The following SLIT1 variants were observed in gnomAD, a reference collection of about 807,000 sequenced individuals.
SLIT1 encodes the protein slit homolog 1 protein.
Under a neutral mutation model 186.1 loss-of-function variants are expected in SLIT1, and 66 were observed. The ratio of observed to expected loss-of-function variants is 0.35; its 90% CI spans 0.29 to 0.44. The LOEUF (loss-of-function observed/expected upper bound fraction) is 0.44. Among genes scored for constraint, SLIT1 ranks in the 20% least tolerant of loss-of-function variants. SLIT1 has a pLI of 1.00. For missense variants in SLIT1, 1,638 were observed against 2,037.4 expected (o/e 0.80, Z 3.77); for synonymous variants, 761 against 833.8 (o/e 0.91, Z 1.50).
chr10:97,033,333 G>A (rs1416223577), intron 23 of SLIT1, among the ~76,000 whole-genome samples: 1 of 152,130 alleles, frequency 6.6e-6, no homozygotes, highest in East Asian at 1.9e-4. Flanking sequence ...GTGAGGTGTT[G>A]GAAGGTGAAT....
chr10:97,134,540 A>C (rs923033297), intron 4 of SLIT1, among the ~76,000 whole-genome samples: 1 of 151,914 alleles, frequency 6.6e-6, no homozygotes, highest in African/African-American at 2.4e-5. Flanking sequence ...CCACCTGCCC[A>C]CCCTAAGCCC....
Position 97,185,774 on chromosome 10 carries a change from G to A in SLIT1, c.-100C>T. The A allele has an allele frequency of 1.8e-6, 2 of 1,094,138 alleles. No homozygotes were observed. The highest frequency in any genetic ancestry group is 2.4e-6 in the Non-Finnish European group (2 of 818,804). 67.8% of individuals were successfully genotyped at this position (1,094,138 alleles called of 1,614,324 possible). ...GGTGCAGTCCCGGGGCAGAGCCACC[G>A]AAGAGCCCGCGGGCTTGCGCGCGGC... On this transcript the variant is annotated 5_prime_UTR_variant, in exon 1 of 37. Coordinates refer to ENST00000266058, the MANE Select transcript of SLIT1 (RefSeq NM_003061.3).
chr10:97,118,526 A>G lies in SLIT1; in HGVS notation c.413+39292T>C, dbSNP rs1849528302. Among the ~76,000 whole-genome samples the G allele has an allele frequency of 2.6e-5, 4 of 152,088 alleles. No individual in the cohort carries two copies. The South Asian group carries it at 8.3e-4, about 32-fold the overall frequency. ...GTGCCACCCATCAAAGCGCTCCTCT[A>G]TCTCCAAAATGGCCGTCGCAGGTTC... On this transcript the variant is annotated intron_variant, in intron 4 of 36. Transcript: ENST00000266058.
chr10:97,046,513 A>G (rs1848734829), intron 18 of SLIT1, 141 bp downstream of exon 18: 1 of 811,722 alleles, frequency 1.2e-6, no homozygotes, highest in South Asian at 1.8e-5. Context: ...CTGTCCCAAC[A>G]CAGTCAGGAT....
chr10:97,132,386 C>G (rs1174739771), intron 4 of SLIT1, among the ~76,000 whole-genome samples: 2 of 152,218 alleles, frequency 1.3e-5, no homozygotes, highest in Admixed American at 6.5e-5. Flanking sequence ...CCCACGGTGA[C>G]CCTTCCCAGC....
chr10:97,086,308 G>A (rs1300640265), intron 4 of SLIT1, among the ~76,000 whole-genome samples: 4 of 152,146 alleles, frequency 2.6e-5, no homozygotes, highest in African/African-American at 7.2e-5. Context: ...GGTGGCTCAC[G>A]CCTGTAATCC....
At chr10:97,015,772 A>G (rs1404990388) in intron 28 of SLIT1, among the ~76,000 whole-genome samples, 2 of 152,364 alleles carry the variant, frequency 1.3e-5, no homozygotes, top group South Asian at 4.1e-4. Flanking sequence ...GAAACTTTAA[A>G]TCAGAGGCTT....
intron 4 of SLIT1, among the ~76,000 whole-genome samples, chr10:97,117,177 A>C (rs964052108): frequency 6.6e-6 from 1 of 152,212 alleles, no homozygotes; most frequent in South Asian, 2.1e-4. Context: ...AACACTTGAC[A>C]TGAAGAGAAG....
At chr10:97,067,082 C>A (rs952606756) in intron 4 of SLIT1, among the ~76,000 whole-genome samples, 2 of 152,224 alleles carry the variant, frequency 1.3e-5, no homozygotes, top group Admixed American at 6.5e-5. Context: ...CCAGGCAGGG[C>A]CTGACTCCAA....
At chr10:97,109,974 G>C (rs942735567) in intron 4 of SLIT1, among the ~76,000 whole-genome samples, 1 of 152,140 alleles carries the variant, frequency 6.6e-6, no homozygotes, top group African/African-American at 2.4e-5. Context: ...GCAGTAGTTA[G>C]GACAGACCCT....
At chr10:97,039,501 C>G (rs150613631) in intron 21 of SLIT1, among the ~76,000 whole-genome samples, 1 of 152,274 alleles carries the variant, frequency 6.6e-6, no homozygotes, top group South Asian at 2.1e-4. Context: ...AAAAACGCAC[C>G]GCTCTCTGAC....
intron 29 of SLIT1, 52 bp from the exon 30 acceptor site, chr10:97,013,886 G>T: frequency 6.5e-7 from 1 of 1,537,942 alleles, no homozygotes; most frequent in Non-Finnish European, 8.8e-7. Flanking sequence ...CCTGTGCTCT[G>T]CCGGGCAGCC....
intron 13 of SLIT1, among the ~76,000 whole-genome samples, chr10:97,051,284 AC>A: frequency 6.6e-6 from 1 of 152,056 alleles, no homozygotes; most frequent in South Asian, 2.1e-4. Flanking sequence ...GACAAACAAT[AC>A]CAAGTGTTGG....
intron 4 of SLIT1, among the ~76,000 whole-genome samples, chr10:97,112,903 A>G (rs989590405): frequency 1.3e-5 from 2 of 152,140 alleles, no homozygotes; most frequent in African/African-American, 4.8e-5. Context: ...CATGTTGCTC[A>G]GGCTGGTTTC....
chr10:97,048,686 G>C (rs1442688590), intron 14 of SLIT1, among the ~76,000 whole-genome samples: 2 of 152,196 alleles, frequency 1.3e-5, no homozygotes, highest in Non-Finnish European at 2.9e-5. Flanking sequence ...AAACATCAGG[G>C]GGTCCCTGAG....
intron 4 of SLIT1, among the ~76,000 whole-genome samples, chr10:97,122,156 G>A (rs979720547): frequency 9.8e-5 from 15 of 152,314 alleles, no homozygotes; most frequent in African/African-American, 3.4e-4. Context: ...CTGCTACAGA[G>A]ATAAGGATTC....
Position 97,002,984 on chromosome 10 carries a change from C to T in SLIT1, c.3874G>A (p.Val1292Met), listed in dbSNP as rs375257308. Residue 1292 changes from valine (V) to methionine (M), a missense_variant, in exon 35 of 37, where the codon GTG becomes ATG. This residue lies in a region of SLIT1 where 173 missense variants were observed against 290.9 expected (regional missense o/e 0.59). Transcript: ENST00000266058. ...CGGAAGGCAGCTGAGTTGACATCCA[C>T]GGGCATCCCTGGGGTAGGGGAGGGA... ...EAPLYVGGMP[V>M]DVNSAAFRLW... 7.4e-6 allele frequency: 12 copies of T among 1,612,902 alleles called. No individual in the cohort carries two copies. The highest frequency in any genetic ancestry group is 6.6e-5 in the South Asian group (6 of 90,980).
chr10:97,041,709 G>A, intron 20 of SLIT1, among the ~76,000 whole-genome samples: 1 of 152,110 alleles, frequency 6.6e-6, no homozygotes, highest in Non-Finnish European at 1.5e-5. Flanking sequence ...TGACCTCAGG[G>A]ATCTGCCCGC....
rs760261300 is a variant in SLIT1, at chr10:97,002,251, G to C, written c.4273C>G (p.Leu1425Val). 20 of 1,601,284 alleles carry C rather than the reference G, an allele frequency of 1.2e-5. No individual in the cohort carries two copies. The Admixed American group carries it at 3.4e-4, about 27-fold the overall frequency. ...TGGCAGTGGCCATGCAGGCACTGCA[G>C]GCCTCTGCAGGGCTCTGCCAGGGCC... ...AGALAEPCRG[L>V]QCLHGHCQAS... is the part of the protein sequence containing the mutation. Residue 1425 changes from leucine to valine, a missense_variant, in exon 36 of 37, where the codon CTG (leucine) becomes GTG (valine). Transcript: ENST00000266058.
Sources: allele counts gnomAD v4.1 joint callset (sites outside exome capture counted in the v4.1 genomes callset), GRCh38; gene constraint gnomAD v4.1.1; regional missense constraint gnomAD v4.1.1; transcripts MANE v1.5; gene names NCBI Gene and HGNC (gene_info 2026-07-23, HGNC 2026-07-21).